The following LRRC37A2 variants were observed in gnomAD, a reference collection of about 807,000 sequenced individuals.
The protein encoded by LRRC37A2 is leucine rich repeat containing 37 member A2.
In LRRC37A2, 9 loss-of-function variants were observed where a neutral mutation model predicts 68.8. That is an observed-to-expected ratio of 0.13 (90% CI 0.08 to 0.23). LRRC37A2 has a LOEUF of 0.23. Among genes scored for constraint, LRRC37A2 ranks in the 10% least tolerant of loss-of-function variants. The pLI is 1.00. For synonymous variants in LRRC37A2, 63 were observed against 367.6 expected (o/e 0.17, Z 9.48); for missense variants, 168 against 950.4 (o/e 0.18, Z 10.82).
At chr17:46,838,737 C>T in the LRRC37A2 span, among the ~76,000 whole-genome samples, 21 of 152,060 alleles carry the variant, frequency 1.4e-4, no homozygotes, top group Admixed American at 1.4e-3. Flanking sequence ...TTTTAATAAG[C>T]ATATATCAGC....
chr17:47,032,347 T>C, the LRRC37A2 span, among the ~76,000 whole-genome samples: 8 of 149,828 alleles, frequency 5.3e-5, no homozygotes, highest in African/African-American at 2.0e-4. Flanking sequence ...CGGTTATTAT[T>C]ATCATTTCTA....
the LRRC37A2 span, among the ~76,000 whole-genome samples, chr17:46,732,826 G>A: frequency 6.6e-6 from 1 of 152,186 alleles, no homozygotes; most frequent in Non-Finnish European, 1.5e-5. Context: ...GAAAAGGGCT[G>A]TCCCAGCAGG....
chr17:46,835,905 G>A, the LRRC37A2 span, among the ~76,000 whole-genome samples: 1 of 152,186 alleles, frequency 6.6e-6, no homozygotes, highest in Non-Finnish European at 1.5e-5. Flanking sequence ...CAGGAGACCC[G>A]GCCCTTCTCT....
At chr17:46,737,952 A>ATTATTATTATTATTATTATTATTG in the LRRC37A2 span, among the ~76,000 whole-genome samples, 1 of 139,908 alleles carries the variant, frequency 7.1e-6, no homozygotes, top group East Asian at 2.1e-4. Context: ...TATTATTATT[A>ATTATTATTATTATTATTATTATTG]GAGATAGGAT....
the LRRC37A2 span, chr17:46,979,093 A>T: frequency 8.1e-7 from 1 of 1,234,890 alleles, no homozygotes; most frequent in South Asian, 2.5e-5. Flanking sequence ...GACGCTCCGG[A>T]CCCCTCGGAC....
the LRRC37A2 span, among the ~76,000 whole-genome samples, chr17:46,961,733 G>T: frequency 6.6e-6 from 1 of 152,146 alleles, no homozygotes; most frequent in Non-Finnish European, 1.5e-5. Flanking sequence ...CAAGCAATGA[G>T]TTGAAGAAGA....
At chr17:47,017,181 G>C in the LRRC37A2 span, 1 of 1,610,156 alleles carries the variant, frequency 6.2e-7, no homozygotes, top group Non-Finnish European at 8.5e-7. Flanking sequence ...CGAGTGTCTC[G>C]GAGCTGCCAG....
the LRRC37A2 span, among the ~76,000 whole-genome samples, chr17:47,014,055 T>G: frequency 2.8e-4 from 42 of 151,586 alleles, no homozygotes; most frequent in African/African-American, 9.7e-4. Flanking sequence ...ATCATGCCAT[T>G]GCACTCCAGC....
the LRRC37A2 span, among the ~76,000 whole-genome samples, chr17:46,828,524 G>A: frequency 2.0e-5 from 3 of 152,106 alleles, no homozygotes; most frequent in East Asian, 1.9e-4. Context: ...TTCTTGATTT[G>A]AGGGTTTGTC....
At chr17:46,808,857 C>G in the LRRC37A2 span, among the ~76,000 whole-genome samples, 1 of 152,144 alleles carries the variant, frequency 6.6e-6, no homozygotes, top group Non-Finnish European at 1.5e-5. Flanking sequence ...AAAGGCTCAT[C>G]TCCACTCCTG....
chr17:46,769,753 G>A, the LRRC37A2 span: 1 of 1,606,210 alleles, frequency 6.2e-7, no homozygotes, highest in Non-Finnish European at 8.5e-7. Flanking sequence ...GCTGCTCCCT[G>A]AAGGGTTTGG....
At chr17:46,771,257 C>T in the LRRC37A2 span, among the ~76,000 whole-genome samples, 1 of 152,124 alleles carries the variant, frequency 6.6e-6, no homozygotes, top group South Asian at 2.1e-4. Context: ...CGACCGAGGA[C>T]GGCGGCAAGG....
chr17:46,530,331 A>T (rs1314624557), intron 6 of LRRC37A2, among the ~76,000 whole-genome samples: 1 of 136,488 alleles, frequency 7.3e-6, no homozygotes, highest in Non-Finnish European at 1.6e-5. Flanking sequence ...TTAAAGCCCT[A>T]GTTTGAGAAT....
At chr17:46,703,409 CG>C in the LRRC37A2 span, among the ~76,000 whole-genome samples, 14 of 115,996 alleles carry the variant, frequency 1.2e-4, no homozygotes, top group Admixed American at 2.6e-4. Flanking sequence ...ATTGTCCGGG[CG>C]TGGTGGCTCA....
chr17:46,823,123 A>ATATATAT, the LRRC37A2 span, among the ~76,000 whole-genome samples: 18 of 133,770 alleles, frequency 1.3e-4, no homozygotes, highest in African/African-American at 4.3e-4. Context: ...ATTATATATT[A>ATATATAT]TATATTATAT....
chr17:46,973,451 C>G, the LRRC37A2 span, among the ~76,000 whole-genome samples: 3 of 152,158 alleles, frequency 2.0e-5, no homozygotes, highest in Non-Finnish European at 2.9e-5. Context: ...GGATGAGCCA[C>G]CACACCTAGC....
At chr17:46,762,394 A>C in the LRRC37A2 span, 1 of 152,020 alleles carries the variant, frequency 6.6e-6, no homozygotes, top group Admixed American at 6.6e-5. Context: ...AAAACAGAGG[A>C]AATAACCTTC....
the LRRC37A2 span, chr17:46,768,808 G>C: frequency 6.2e-7 from 1 of 1,611,940 alleles, no homozygotes. The surrounding 1 kb of genome is among the most constrained non-coding windows in gnomAD (Gnocchi z 5.0). Flanking sequence ...GTCTGGGGGA[G>C]AGAAGTGGCA....
chr17:47,020,781 CAAAAAAAAAAAAAA>C, the LRRC37A2 span, among the ~76,000 whole-genome samples: 1,524 of 20,162 alleles, frequency 0.076, 65 homozygotes, highest in South Asian at 0.17. Flanking sequence ...GACTCCATCT[CAAAAAAAAAAAAAA>C]AAAAAAAAAA....
Sources: allele counts gnomAD v4.1 joint callset (sites outside exome capture counted in the v4.1 genomes callset), GRCh38; gene constraint gnomAD v4.1.1; non-coding constraint Gnocchi (gnomAD v3.1); transcripts MANE v1.5; gene names NCBI Gene and HGNC (gene_info 2026-07-23, HGNC 2026-07-21).